The following SYNJ2 variants were observed in gnomAD, a reference collection of about 807,000 sequenced individuals.
The protein encoded by SYNJ2 is polyphosphatidylinositol phosphatase SYNJ2.
A neutral mutation model predicts 141.3 loss-of-function variants in SYNJ2; 116 were observed. The observed-to-expected ratio is 0.82, with a 90% CI of 0.71 to 0.96. SYNJ2 has a LOEUF of 0.96. Ranked by LOEUF, SYNJ2 falls within the 40% of genes least tolerant of loss-of-function variation. The probability of loss-of-function intolerance (pLI) is 0.00; values close to 1 mark genes in which losing one functional copy is unlikely to be tolerated. For synonymous variants in SYNJ2, 745 were observed against 777.7 expected (o/e 0.96, Z 0.70); for missense variants, 1,873 against 1,934.8 (o/e 0.97, Z 0.60).
intron 7 of SYNJ2, among the ~76,000 whole-genome samples, chr6:158,060,505 G>A (rs1408834927): frequency 1.3e-5 from 2 of 152,202 alleles, no homozygotes; most frequent in African/African-American, 2.4e-5. Flanking sequence ...GCCTCACTGG[G>A]GGTTAGGGCG....
chr6:157,992,408 T>C (rs1298765903), intron 1 of SYNJ2, among the ~76,000 whole-genome samples: 1 of 149,438 alleles, frequency 6.7e-6, no homozygotes, highest in Non-Finnish European at 1.5e-5. Context: ...TTTCTTTTTT[T>C]TTTTTTTTTT....
intron 13 of SYNJ2, 101 bp from the exon 14 acceptor site, chr6:158,069,432 G>A (rs1781773792): frequency 7.0e-7 from 1 of 1,423,974 alleles, no homozygotes; most frequent in African/African-American, 1.4e-5. Context: ...CGTGAAATCA[G>A]TTCTGCAAAC....
rs577570024 is a variant in SYNJ2, at chr6:158,046,917, C to T, written c.795+3518C>T. 4.6e-5 allele frequency among the ~76,000 whole-genome samples: 7 copies of T among 151,926 alleles called. No homozygotes were observed. In the South Asian group the frequency reaches 8.4e-4, roughly 18 times the overall value. On this transcript the variant is annotated intron_variant, in intron 5 of 26. Transcript: ENST00000355585. Reference sequence around the variant, plus strand: ...CCCCCCACCATATGCTGTATAGACACGTGCCTTGCCAAGGTGAGTTCAGTC... The same window carrying T: ...CCCCCCACCATATGCTGTATAGACATGTGCCTTGCCAAGGTGAGTTCAGTC...
At chr6:158,088,607 G>T in intron 23 of SYNJ2, 53 bp from the exon 24 acceptor site, 1 of 1,378,822 alleles carries the variant, frequency 7.3e-7, no homozygotes, top group East Asian at 2.3e-5. Context: ...GCAGCTGGCT[G>T]GGAAGTTGTG....
In SYNJ2 at chr6:158,050,729, G is replaced by C. The variant is rs574710972; in HGVS notation, c.796-4238G>C. Among the ~76,000 whole-genome samples, 66 of 152,308 alleles carry C rather than the reference G, an allele frequency of 4.3e-4. 1 individual carries two copies. The highest frequency in any genetic ancestry group is 1.6e-3 in the African/African-American group (66 of 41,556). On this transcript the variant is annotated intron_variant, in intron 5 of 26. Coordinates refer to ENST00000355585, the MANE Select transcript of SYNJ2 (RefSeq NM_003898.4). Reference sequence around the variant, plus strand: ...TGTGGTTGAGGGGACCCCATCAAAGGCAGGTGCCTCATTTCACTCTGCTTT... The same window carrying C: ...TGTGGTTGAGGGGACCCCATCAAAGCCAGGTGCCTCATTTCACTCTGCTTT...
At chr6:158,037,556 C>T (rs1393722492) in intron 4 of SYNJ2, among the ~76,000 whole-genome samples, 1 of 151,964 alleles carries the variant, frequency 6.6e-6, no homozygotes. Context: ...CGCCCGCCAC[C>T]ACGCCCGGCT....
chr6:158,005,425 C>A (rs554160158), intron 1 of SYNJ2, among the ~76,000 whole-genome samples: 2 of 152,236 alleles, frequency 1.3e-5, no homozygotes, highest in Non-Finnish European at 2.9e-5. Flanking sequence ...GAACCCATGG[C>A]CTTCTCATAG....
At chr6:158,060,456 A>C (rs1299890026) in intron 7 of SYNJ2, among the ~76,000 whole-genome samples, 2 of 152,234 alleles carry the variant, frequency 1.3e-5, no homozygotes, top group Admixed American at 1.3e-4. Context: ...CTCGTTGTTT[A>C]AAGCTCAAAG....
chr6:158,031,899 ATAGTGGCCATAGC>A (rs1779384306), intron 3 of SYNJ2, among the ~76,000 whole-genome samples: 1 of 152,186 alleles, frequency 6.6e-6, no homozygotes, highest in Non-Finnish European at 1.5e-5. Context: ...AGCCCTGGTG[ATAGTGGCCATAGC>A]TGTGTAGCTG....
At chr6:158,076,928 T>C (rs976252428) in intron 17 of SYNJ2, 146 bp downstream of exon 17, 2 of 1,017,764 alleles carry the variant, frequency 2.0e-6, no homozygotes, top group Admixed American at 3.1e-5. Context: ...TCCCAGACCT[T>C]AACCCCTAAG....
chr6:158,065,272 C>A (rs540665264), intron 11 of SYNJ2, among the ~76,000 whole-genome samples: 2 of 152,196 alleles, frequency 1.3e-5, no homozygotes, highest in Admixed American at 1.3e-4. Context: ...CTCTCCTAAA[C>A]GCATCGGTGC....
chr6:158,065,501 T>C (rs1781509687), intron 11 of SYNJ2, among the ~76,000 whole-genome samples: 1 of 152,178 alleles, frequency 6.6e-6, no homozygotes, highest in Non-Finnish European at 1.5e-5. Context: ...TCCATCAATA[T>C]AGGAGGTTCC....
chr6:158,096,518 T>C lies in SYNJ2; in HGVS notation c.*154T>C, dbSNP rs1351688179. 2.5e-6 allele frequency: 2 copies of C among 806,164 alleles called. No homozygotes were observed. The highest frequency in any genetic ancestry group is 3.7e-6 in the Non-Finnish European group (2 of 540,326). The allele number at this position is 806,164 out of a possible 1,614,324, so 49.9% of individuals were successfully genotyped here. On this transcript the variant is annotated 3_prime_UTR_variant, in exon 27 of 27. Transcript: ENST00000355585. ...TAGTTTACAAAAATCGTGTCTCTTA[T>C]TCAGTAAGATGGTTACTCAGCCACC... is the stretch of plus-strand genomic sequence containing the variant.
intron 6 of SYNJ2, among the ~76,000 whole-genome samples, chr6:158,056,661 C>T (rs1053087814): frequency 1.3e-5 from 2 of 152,192 alleles, no homozygotes; most frequent in African/African-American, 4.8e-5. Context: ...TCGATGGTGT[C>T]CCTGGACTGG....
chr6:157,992,748 TC>T (rs1182977716), intron 1 of SYNJ2, among the ~76,000 whole-genome samples: 66 of 152,194 alleles, frequency 4.3e-4, no homozygotes, highest in Admixed American at 4.3e-3. Context: ...TCCAGTTCCA[TC>T]CATGTTGTTG....
At chr6:158,012,442 G>A (rs373396049) in intron 1 of SYNJ2, among the ~76,000 whole-genome samples, 21 of 152,330 alleles carry the variant, frequency 1.4e-4, no homozygotes, top group South Asian at 6.2e-4. Context: ...AGAGGGATCC[G>A]ATTGCCGCGA....
At chr6:158,089,107 G>A (rs1446422406) in intron 24 of SYNJ2, among the ~76,000 whole-genome samples, 5 of 152,168 alleles carry the variant, frequency 3.3e-5, no homozygotes, top group East Asian at 3.8e-4. Context: ...AATTCAGGTC[G>A]TTATCCTGGG....
intron 9 of SYNJ2, 113 bp downstream of exon 9, chr6:158,063,985 A>T: frequency 9.3e-7 from 1 of 1,075,452 alleles, no homozygotes; most frequent in Non-Finnish European, 1.4e-6. Flanking sequence ...CACCAAGACA[A>T]CCTTCTGACT....
chr6:157,992,362 A>G (rs976560192), intron 1 of SYNJ2, among the ~76,000 whole-genome samples: 31 of 147,770 alleles, frequency 2.1e-4, no homozygotes, highest in Non-Finnish European at 1.3e-4. Context: ...CAAATAAGTG[A>G]GAATATGCAA....
Sources: allele counts gnomAD v4.1 joint callset (sites outside exome capture counted in the v4.1 genomes callset), GRCh38; gene constraint gnomAD v4.1.1; transcripts MANE v1.5; gene names NCBI Gene and HGNC (gene_info 2026-07-23, HGNC 2026-07-21).